ITPKB: variants seen among roughly 807,000 people sequenced by gnomAD.
ITPKB encodes the protein inositol-trisphosphate 3-kinase B.
Under a neutral mutation model 69.4 loss-of-function variants are expected in ITPKB, and 13 were observed. The observed-to-expected ratio is 0.19, with a 90% CI of 0.12 to 0.30. The LOEUF (loss-of-function observed/expected upper bound fraction) is 0.30, where lower values mean the gene tolerates loss of function less well. ITPKB is among the 10% of genes least tolerant of loss of function. The pLI is 1.00. For synonymous variants in ITPKB, 584 were observed against 513.7 expected (o/e 1.14, Z -1.85); for missense variants, 1,240 against 1,250.5 (o/e 0.99, Z 0.13).
rs115039024 is a variant in ITPKB at position 226,720,320 on chromosome 1, C to T, written c.1932+15207G>A. ...TCAGAGGCCCCATTGCTCCACCCAT[C>T]CACCTCTGCATTCAGTTCAGTTAGT... On this transcript the variant is annotated intron_variant, in intron 2 of 7. Transcript: ENST00000429204. Among the ~76,000 whole-genome samples the T allele has an allele frequency of 5.1e-3, 770 of 152,310 alleles. 2 individuals are homozygous for T. Among genetic ancestry groups the T allele is most frequent in the Non-Finnish European group, 8.4e-3 (574 of 68,016 alleles).
chr1:226,694,349 C>A (rs1247264825), intron 2 of ITPKB, among the ~76,000 whole-genome samples: 2 of 152,200 alleles, frequency 1.3e-5, no homozygotes, highest in Non-Finnish European at 2.9e-5. Context: ...CCCTTAAGAA[C>A]ATTGGAAATT....
At chr1:226,652,835 C>A (rs1669221106) in intron 2 of ITPKB, among the ~76,000 whole-genome samples, 1 of 152,228 alleles carries the variant, frequency 6.6e-6, no homozygotes, top group Non-Finnish European at 1.5e-5. Flanking sequence ...CTCTCTTTGG[C>A]AGACCTGGGG....
At chr1:226,668,007 G>C (rs909995673) in intron 2 of ITPKB, among the ~76,000 whole-genome samples, 1 of 152,290 alleles carries the variant, frequency 6.6e-6, no homozygotes, top group Non-Finnish European at 1.5e-5. Context: ...GGCCTGGCAC[G>C]GAGCAGTTTG....
intron 2 of ITPKB, among the ~76,000 whole-genome samples, chr1:226,723,359 G>A (rs115696297): frequency 0.022 from 3,339 of 152,238 alleles, 58 homozygotes; most frequent in Non-Finnish European, 0.034. Context: ...CCTGTGAATG[G>A]ACACGTGACG....
chr1:226,668,002 G>C (rs1669538753), intron 2 of ITPKB, among the ~76,000 whole-genome samples: 1 of 152,138 alleles, frequency 6.6e-6, no homozygotes. Context: ...CTAAGGGCCT[G>C]GCACGGAGCA....
Position 226,736,625 on chromosome 1 carries a change from C to A in ITPKB, c.834G>T (p.Arg278Ser). The A allele has an allele frequency of 6.2e-7, 1 of 1,613,658 alleles. No individual in the cohort carries two copies. The highest frequency in any genetic ancestry group is 1.3e-5 in the African/African-American group (1 of 75,066). Residue 278 changes from arginine to serine, a missense_variant, in exon 2 of 8, where the codon AGG (arginine) becomes AGT (serine). Around this residue, in one of 2 missense-constraint regions of ITPKB, gnomAD observed 992 missense variants for 853.8 expected, o/e 1.16. Coordinates refer to ENST00000429204, the MANE Select transcript of ITPKB (RefSeq NM_002221.4). ...TCCGAGTTCCCGGGGTAGGAGAGCCCCTTTTGTCAATTTCCATAGCTGTGG... is the reference window on the plus strand; with the variant it reads ...TCCGAGTTCCCGGGGTAGGAGAGCCACTTTTGTCAATTTCCATAGCTGTGG... ...GSPTAMEIDK[R>S]GSPTPGTRSC...
At chr1:226,671,307 T>C (rs1307277898) in intron 2 of ITPKB, among the ~76,000 whole-genome samples, 1 of 152,178 alleles carries the variant, frequency 6.6e-6, no homozygotes, top group African/African-American at 2.4e-5. Context: ...TGGGAAACCC[T>C]TCCACAAAGA....
chr1:226,699,999 C>A (rs1237277937), intron 2 of ITPKB, among the ~76,000 whole-genome samples: 2 of 152,158 alleles, frequency 1.3e-5, no homozygotes, highest in East Asian at 3.8e-4. Context: ...AAGATGTAGG[C>A]TGGGAGGCTT....
chr1:226,730,917 A>G (rs1490796998), intron 2 of ITPKB, among the ~76,000 whole-genome samples: 2 of 152,204 alleles, frequency 1.3e-5, no homozygotes, highest in Non-Finnish European at 2.9e-5. Flanking sequence ...AACACCTCAA[A>G]TATATTTCTC....
At chr1:226,680,182 G>T (rs540526441) in intron 2 of ITPKB, among the ~76,000 whole-genome samples, 61 of 152,310 alleles carry the variant, frequency 4.0e-4, no homozygotes, top group African/African-American at 1.4e-3. Context: ...TCCAGGCAGC[G>T]CAGCGCCCGC....
At chr1:226,703,287 G>T (rs935730938) in intron 2 of ITPKB, among the ~76,000 whole-genome samples, 26 of 152,192 alleles carry the variant, frequency 1.7e-4, no homozygotes, top group Admixed American at 9.2e-4. Context: ...AGGGACCCAG[G>T]AACCAGGCGT....
At chr1:226,717,215 C>G (rs932782085) in intron 2 of ITPKB, among the ~76,000 whole-genome samples, 1 of 152,204 alleles carries the variant, frequency 6.6e-6, no homozygotes, top group Non-Finnish European at 1.5e-5. Flanking sequence ...CTTTCTGCTG[C>G]CCCCTCCTGA....
rs192105190 is a variant in ITPKB at position 226,722,207 on chromosome 1, C to T, written c.1932+13320G>A. Among the ~76,000 whole-genome samples, 194 of 152,306 alleles carry T rather than the reference C, an allele frequency of 1.3e-3. 2 individuals carry two copies. The highest frequency in any genetic ancestry group is 2.4e-3 in the Non-Finnish European group (161 of 68,016). On this transcript the variant is annotated intron_variant, in intron 2 of 7. Transcript: ENST00000429204. ...CAGGCTCAAGGTTCCTAGCAACCTGCCACCTGGTACATTCAGGGCACTCGC... is the reference window on the plus strand; with the variant it reads ...CAGGCTCAAGGTTCCTAGCAACCTGTCACCTGGTACATTCAGGGCACTCGC...
rs975686399 is a variant in ITPKB, at chr1:226,670,797, C to G, written c.1933-22026G>C. 2.0e-5 allele frequency among the ~76,000 whole-genome samples: 3 copies of G among 152,192 alleles called. No individual in the cohort carries two copies. The South Asian group carries it at 6.2e-4, about 32-fold the overall frequency. On this transcript the variant is annotated intron_variant, in intron 2 of 7. Coordinates refer to ENST00000429204, the MANE Select transcript of ITPKB (RefSeq NM_002221.4). Reference sequence around the variant, plus strand: ...TGCATATTTGTAAGTATCCACAAATCTTTTGAATAAGGTAGAATACAAATT... The same window carrying G: ...TGCATATTTGTAAGTATCCACAAATGTTTTGAATAAGGTAGAATACAAATT...
intron 7 of ITPKB, among the ~76,000 whole-genome samples, chr1:226,635,125 C>G (rs1307982038): frequency 6.6e-6 from 1 of 152,182 alleles, no homozygotes; most frequent in Non-Finnish European, 1.5e-5. Context: ...GCAGCAGGCA[C>G]CCCTTCACCC....
chr1:226,686,469 G>A (rs184754170), intron 2 of ITPKB, among the ~76,000 whole-genome samples: 2 of 152,280 alleles, frequency 1.3e-5, no homozygotes, highest in Admixed American at 6.5e-5. Flanking sequence ...GGGGAAATGG[G>A]GGAAATTCAA....
chr1:226,726,151 C>T (rs1657404243), intron 2 of ITPKB, among the ~76,000 whole-genome samples: 1 of 152,210 alleles, frequency 6.6e-6, no homozygotes, highest in Non-Finnish European at 1.5e-5. Context: ...ACCCATTTTA[C>T]AGATTGAGGA....
rs201812434 is a variant in ITPKB at position 226,731,947 on chromosome 1, A to G, written c.1932+3580T>C. Among the ~76,000 whole-genome samples the G allele has an allele frequency of 2.6e-5, 4 of 152,086 alleles. No homozygotes were observed. In the East Asian group the frequency reaches 5.8e-4, roughly 22 times the overall value. ...GATGCATTTTTTAAAGTGCCCCTCT[A>G]GGCTTTTAAATTTTAGTTTGGTTTA... On this transcript the variant is annotated intron_variant, in intron 2 of 7. Coordinates refer to ENST00000429204, the MANE Select transcript of ITPKB (RefSeq NM_002221.4).
At position 226,642,187 on chromosome 1, in the gene ITPKB, T is replaced by C. The variant is rs1668976613; in HGVS notation, c.2247-62A>G. 7.3e-7 allele frequency: 1 copy of C among 1,371,432 alleles called. No individual in the cohort carries two copies. The allele number at this position is 1,371,432 out of a possible 1,614,324, so 85.0% of individuals were successfully genotyped here. A position where few individuals can be genotyped will look rare whatever the true frequency, so the allele number is the denominator to read the frequency against. On this transcript the variant is annotated intron_variant, in intron 4 of 7. Transcript: ENST00000429204. The surrounding 1 kb of genome is among the most constrained non-coding windows in gnomAD (Gnocchi z 6.4). ...TGGGGCAGGGCTCACCAGCAGCTCCTTTCCTGCCTGGTGGATGAAGGTTTG... is the reference window on the plus strand; with the variant it reads ...TGGGGCAGGGCTCACCAGCAGCTCCCTTCCTGCCTGGTGGATGAAGGTTTG...
Sources: allele counts gnomAD v4.1 joint callset (sites outside exome capture counted in the v4.1 genomes callset), GRCh38; gene constraint gnomAD v4.1.1; regional missense constraint gnomAD v4.1.1; non-coding constraint Gnocchi (gnomAD v3.1); transcripts MANE v1.5; gene names NCBI Gene and HGNC (gene_info 2026-07-23, HGNC 2026-07-21).